The following MAN1A1 variants were observed in gnomAD, a reference collection of about 807,000 sequenced individuals.
MAN1A1 encodes mannosidase alpha class 1A member 1, also known as mannosyl-oligosaccharide 1,2-alpha-mannosidase IA.
MAN1A1 carries 29 observed loss-of-function variants against 70.8 expected under a neutral mutation model. That is an observed-to-expected ratio of 0.41 (90% CI 0.31 to 0.56). MAN1A1 has a LOEUF of 0.56. Among genes scored for constraint, MAN1A1 ranks in the 20% least tolerant of loss-of-function variants. MAN1A1 has a pLI of 0.29. For synonymous variants in MAN1A1, 349 were observed against 330.1 expected, an observed-to-expected ratio of 1.06 and a Z score of -0.62; for missense variants, 747 against 841.3, an observed-to-expected ratio of 0.89 and a Z score of 1.39.
chr6:119,248,438 T>A (rs1420354621), intron 5 of MAN1A1, 84 bp from the exon 6 acceptor site: 2 of 715,840 alleles, frequency 2.8e-6, no homozygotes, highest in East Asian at 5.4e-5. Context: ...TTACCACTTT[T>A]CTACTTTAAT....
At chr6:119,214,571 G>A (rs1446221834) in intron 6 of MAN1A1, among the ~76,000 whole-genome samples, 5 of 152,158 alleles carry the variant, frequency 3.3e-5, no homozygotes, top group Admixed American at 6.5e-5. Context: ...CCAAGTTGGA[G>A]TGCAGTGGCA....
intron 6 of MAN1A1, among the ~76,000 whole-genome samples, chr6:119,247,469 C>T (rs1775197186): frequency 6.6e-6 from 1 of 152,184 alleles, no homozygotes. Context: ...TAGCTATCAT[C>T]ACTGTCTCAT....
In MAN1A1 at chr6:119,278,564, G is replaced by T. The variant is rs184161315; in HGVS notation, c.897+12119C>A. Among the ~76,000 whole-genome samples the T allele has an allele frequency of 3.0e-3, 455 of 152,068 alleles. 2 individuals carry two copies. Among genetic ancestry groups the T allele is most frequent in the Middle Eastern group, 0.027 (8 of 294 alleles). On this transcript the variant is annotated intron_variant, in intron 5 of 12. Transcript: ENST00000368468. ...CCGGTACTTAGTTTTTTTTTAAACAGCAATTTTTACATCTTATTATTTTTA... is the reference window on the plus strand; with the variant it reads ...CCGGTACTTAGTTTTTTTTTAAACATCAATTTTTACATCTTATTATTTTTA...
At chr6:119,341,635 AT>A (rs2114508993) in intron 2 of MAN1A1, among the ~76,000 whole-genome samples, 1 of 152,350 alleles carries the variant, frequency 6.6e-6, no homozygotes, top group East Asian at 1.9e-4. Context: ...AAACTGATTT[AT>A]GCTAACTTTG....
At chr6:119,328,416 G>C (rs1395624044) in intron 2 of MAN1A1, among the ~76,000 whole-genome samples, 1 of 152,238 alleles carries the variant, frequency 6.6e-6, no homozygotes, top group Non-Finnish European at 1.5e-5. Context: ...CAAATGCACT[G>C]TATATCTTCA....
chr6:119,254,550 T>C (rs1241718330), intron 5 of MAN1A1, among the ~76,000 whole-genome samples: 1 of 152,222 alleles, frequency 6.6e-6, no homozygotes, highest in African/African-American at 2.4e-5. Context: ...CTGGTGTTTG[T>C]TGGTACCTCT....
chr6:119,250,646 CTCTGTG>C (rs943671093), intron 5 of MAN1A1, among the ~76,000 whole-genome samples: 6 of 103,646 alleles, frequency 5.8e-5, no homozygotes, highest in East Asian at 3.4e-4. Flanking sequence ...CTTGTTCTCT[CTCTGTG>C]TGTGTGTGTG....
rs117364201 is a variant in MAN1A1, at chr6:119,337,577, C to G, written c.603+10886G>C. ...ACGGACGACTGCAAAGAGCCAATGTCATAGAAATTCTGTATTCTTGGGAGT... is the reference window on the plus strand; with the variant it reads ...ACGGACGACTGCAAAGAGCCAATGTGATAGAAATTCTGTATTCTTGGGAGT... On this transcript the variant is annotated intron_variant, in intron 2 of 12. Coordinates refer to ENST00000368468, the MANE Select transcript of MAN1A1 (RefSeq NM_005907.4). 2.6e-5 allele frequency among the ~76,000 whole-genome samples: 4 copies of G among 152,192 alleles called. No individual in the cohort carries two copies. In the East Asian group the frequency reaches 7.7e-4, roughly 29 times the overall value.
At chr6:119,240,393 C>T (rs1365943008) in intron 6 of MAN1A1, among the ~76,000 whole-genome samples, 2 of 152,168 alleles carry the variant, frequency 1.3e-5, no homozygotes, top group East Asian at 3.9e-4. Flanking sequence ...TCATTCCATT[C>T]ATGTCAATTT....
At chr6:119,265,092 C>A (rs759400259) in intron 5 of MAN1A1, among the ~76,000 whole-genome samples, 1 of 124,888 alleles carries the variant, frequency 8.0e-6, no homozygotes, top group Admixed American at 8.6e-5. Context: ...CTTTTAAGTG[C>A]CTTTTTTAAA....
chr6:119,260,006 G>T (rs908997468), intron 5 of MAN1A1, among the ~76,000 whole-genome samples: 1 of 151,992 alleles, frequency 6.6e-6, no homozygotes, highest in Non-Finnish European at 1.5e-5. Context: ...AAAAGATATT[G>T]TTCTATATAT....
intron 2 of MAN1A1, among the ~76,000 whole-genome samples, chr6:119,323,740 GA>G (rs1773079567): frequency 6.6e-6 from 1 of 152,160 alleles, no homozygotes; most frequent in African/African-American, 2.4e-5. Context: ...AGAATGAACA[GA>G]GTCTCAGATA....
chr6:119,240,443 C>T (rs1032107348), intron 6 of MAN1A1, among the ~76,000 whole-genome samples: 5 of 152,014 alleles, frequency 3.3e-5, no homozygotes, highest in African/African-American at 1.2e-4. Flanking sequence ...GGAGCCTGAG[C>T]AGATGGAAAT....
rs139952492 is a variant in MAN1A1, at chr6:119,300,937, A to T, written c.816+1051T>A. 7.6e-3 allele frequency among the ~76,000 whole-genome samples: 1,161 copies of T among 152,316 alleles called. 5 individuals carry two copies. Among genetic ancestry groups the T allele is most frequent in the Non-Finnish European group, 0.013 (890 of 68,024 alleles). ...TTAATTTATATAAGTTTTTAATTGAAATAGATGGGGGAAAGACTTAGCTTT... is the reference window on the plus strand; with the variant it reads ...TTAATTTATATAAGTTTTTAATTGATATAGATGGGGGAAAGACTTAGCTTT... On this transcript the variant is annotated intron_variant, in intron 4 of 12. Transcript: ENST00000368468.
intron 5 of MAN1A1, among the ~76,000 whole-genome samples, chr6:119,268,560 A>G (rs187635179): frequency 3.9e-5 from 6 of 151,958 alleles, no homozygotes; most frequent in Admixed American, 2.6e-4. Context: ...TAATCTTGAA[A>G]CCAAGGTAAC....
At chr6:119,257,887 C>T (rs780624057) in intron 5 of MAN1A1, among the ~76,000 whole-genome samples, 1 of 152,126 alleles carries the variant, frequency 6.6e-6, no homozygotes, top group Non-Finnish European at 1.5e-5. Flanking sequence ...CCTAAAGCTA[C>T]TCATTCTATC....
At chr6:119,350,351 C>T (rs920747938), upstream of MAN1A1, among the ~76,000 whole-genome samples, 1 of 152,194 alleles carries the variant, frequency 6.6e-6, no homozygotes, top group Non-Finnish European at 1.5e-5. Context: ...TTAGGGGAGC[C>T]GTGACCCTGG....
At chr6:119,323,057 GT>G in intron 2 of MAN1A1, among the ~76,000 whole-genome samples, 1 of 152,228 alleles carries the variant, frequency 6.6e-6, no homozygotes, top group Non-Finnish European at 1.5e-5. Context: ...CTGTGAAGAA[GT>G]ACTTATCACT....
chr6:119,303,589 T>TA (rs1420060100), intron 3 of MAN1A1, among the ~76,000 whole-genome samples: 1 of 152,186 alleles, frequency 6.6e-6, no homozygotes, highest in Non-Finnish European at 1.5e-5. Flanking sequence ...CATGAACATT[T>TA]ACGTAACTGT....
Sources: allele counts gnomAD v4.1 joint callset (sites outside exome capture counted in the v4.1 genomes callset), GRCh38; gene constraint gnomAD v4.1.1; transcripts MANE v1.5; gene names NCBI Gene and HGNC (gene_info 2026-07-23, HGNC 2026-07-21).